SLC37A1: variants seen among roughly 807,000 people sequenced by gnomAD.
SLC37A1 encodes solute carrier family 37 member 1, also known as glucose-6-phosphate exchanger SLC37A1.
Under a neutral mutation model 75.3 loss-of-function variants are expected in SLC37A1, and 49 were observed. The observed-to-expected ratio is 0.65, with a 90% CI of 0.52 to 0.83. The LOEUF (loss-of-function observed/expected upper bound fraction) is 0.83, where lower values mean the gene tolerates loss of function less well. Among genes scored for constraint, SLC37A1 ranks in the 40% least tolerant of loss-of-function variants. The pLI, the probability that SLC37A1 is intolerant of heterozygous loss-of-function variation, is 0.00. For synonymous variants in SLC37A1, 268 were observed against 292.1 expected (o/e 0.92, Z 0.84); for missense variants, 566 against 695.0 (o/e 0.81, Z 2.09).
intron 10 of SLC37A1, among the ~76,000 whole-genome samples, chr21:42,555,245 C>T (rs113367322): frequency 5.9e-5 from 9 of 151,958 alleles, no homozygotes; most frequent in African/African-American, 2.2e-4. Flanking sequence ...GCCTTAGCCT[C>T]CCAAAGTGCT....
chr21:42,577,183 A>G (rs2056326160), intron 18 of SLC37A1, among the ~76,000 whole-genome samples: 1 of 148,848 alleles, frequency 6.7e-6, no homozygotes, highest in Admixed American at 6.8e-5. Flanking sequence ...TCCAGAAGGA[A>G]AGTCTGAGAT....
At chr21:42,531,781 A>C (rs939605015) in intron 3 of SLC37A1, among the ~76,000 whole-genome samples, 1 of 152,206 alleles carries the variant, frequency 6.6e-6, no homozygotes, top group Non-Finnish European at 1.5e-5. Flanking sequence ...ACTGAAATAT[A>C]GCAATGTTGT....
intron 2 of SLC37A1, among the ~76,000 whole-genome samples, chr21:42,508,040 G>C (rs933067610): frequency 4.6e-5 from 7 of 151,906 alleles, no homozygotes; most frequent in Non-Finnish European, 8.8e-5. Flanking sequence ...ATCAAATGCT[G>C]GCCCAGAGGG....
At chr21:42,564,022 C>T (rs541801073) in intron 13 of SLC37A1, 145 bp downstream of exon 13, 2 of 824,218 alleles carry the variant, frequency 2.4e-6, no homozygotes, top group Admixed American at 4.6e-5. Context: ...AGGCCGTCAC[C>T]TGGGGGTGGT....
At position 42,580,534 on chromosome 21, in the gene SLC37A1, A is replaced by G. The variant is rs1028477494; in HGVS notation, c.*174A>G. 124 of 668,000 alleles carry G rather than the reference A, an allele frequency of 1.9e-4. No individual in the cohort carries two copies. Among genetic ancestry groups the G allele is most frequent in the Non-Finnish European group, 3.0e-4 (121 of 396,982 alleles). The allele number at this position is 668,000 out of a possible 1,614,324, so 41.4% of individuals were successfully genotyped here. On this transcript the variant is annotated 3_prime_UTR_variant, in exon 20 of 20. Transcript: ENST00000352133. ...AGAACCCCTGGTGCTATTTTAAAGGAGACATATTGCTGAACAGCAGTGAGA... is the reference window on the plus strand; with the variant it reads ...AGAACCCCTGGTGCTATTTTAAAGGGGACATATTGCTGAACAGCAGTGAGA...
chr21:42,575,006 C>T, intron 18 of SLC37A1, 91 bp downstream of exon 18: 1 of 1,566,130 alleles, frequency 6.4e-7, no homozygotes, highest in East Asian at 2.3e-5. Flanking sequence ...CCATGCATTC[C>T]TGAGTTATCA....
Position 42,542,596 on chromosome 21 carries a change from G to T in SLC37A1, c.563+116G>T, listed in dbSNP as rs1569010318. ...TTTAGTATCCTCTTTAAAATAAGAT[G>T]GCTGAAACCTCTGGGGCTTGAATTG... On this transcript the variant is annotated intron_variant, in intron 7 of 19. Coordinates refer to ENST00000352133, the MANE Select transcript of SLC37A1 (RefSeq NM_001320537.2). 1.3e-5 allele frequency: 13 copies of T among 988,792 alleles called. 1 individual carries two copies. Among genetic ancestry groups the T allele is most frequent in the Middle Eastern group, 4.2e-4 (2 of 4,706 alleles). The allele number at this position is 988,792 out of a possible 1,614,324, so 61.3% of individuals were successfully genotyped here.
At chr21:42,572,523 G>C (rs2056202092) in intron 17 of SLC37A1, among the ~76,000 whole-genome samples, 1 of 151,668 alleles carries the variant, frequency 6.6e-6, no homozygotes, top group South Asian at 2.1e-4. Flanking sequence ...GGAGATTCTT[G>C]ACTGTATTTT....
chr21:42,538,050 TC>T (rs2146857293), intron 5 of SLC37A1, among the ~76,000 whole-genome samples: 1 of 152,340 alleles, frequency 6.6e-6, no homozygotes, highest in African/African-American at 2.4e-5. Flanking sequence ...TTAGACCTTT[TC>T]TTTAAAATTT....
At chr21:42,504,258 G>C (rs2146677800) in intron 2 of SLC37A1, among the ~76,000 whole-genome samples, 1 of 152,266 alleles carries the variant, frequency 6.6e-6, no homozygotes, top group Non-Finnish European at 1.5e-5. Flanking sequence ...GACATGGCCT[G>C]GTCATTTTGG....
At chr21:42,530,801 T>C (rs1242568830) in intron 3 of SLC37A1, among the ~76,000 whole-genome samples, 1 of 152,124 alleles carries the variant, frequency 6.6e-6, no homozygotes, top group Non-Finnish European at 1.5e-5. Context: ...GACTGCCTGA[T>C]AATCTCCTCT....
chr21:42,564,483 C>T (rs1306712247), intron 13 of SLC37A1, among the ~76,000 whole-genome samples: 2 of 152,154 alleles, frequency 1.3e-5, no homozygotes. Context: ...TCGAGGCTGG[C>T]CTAAAACCTG....
chr21:42,530,633 CA>C lies in SLC37A1; in HGVS notation c.139-4064del, dbSNP rs2054929519. 1.1e-4 allele frequency among the ~76,000 whole-genome samples: 6 copies of C among 57,064 alleles called. No homozygotes were observed. The South Asian group carries it at 1.6e-3, about 15-fold the overall frequency. The allele number at this position is 57,064 out of a possible 152,430, so 37.4% of individuals were successfully genotyped here. On this transcript the variant is annotated intron_variant, in intron 3 of 19. Transcript: ENST00000352133. ...ACACACACACACACACACACACACACACACACACACACACACACACACCCCC... is the reference window on the plus strand; with the variant it reads ...ACACACACACACACACACACACACACCACACACACACACACACACACCCCC...
At chr21:42,507,160 G>T (rs578053769) in intron 2 of SLC37A1, among the ~76,000 whole-genome samples, 2 of 152,292 alleles carry the variant, frequency 1.3e-5, no homozygotes, top group African/African-American at 4.8e-5. Context: ...TGGGATTACA[G>T]TCATGAGCCA....
intron 2 of SLC37A1, among the ~76,000 whole-genome samples, chr21:42,525,513 G>T (rs2054767137): frequency 6.6e-6 from 1 of 152,256 alleles, no homozygotes; most frequent in African/African-American, 2.4e-5. Flanking sequence ...TAGAAGTATG[G>T]TATGTTGTGT....
At chr21:42,563,278 A>G (rs2055880000) in intron 12 of SLC37A1, among the ~76,000 whole-genome samples, 1 of 152,160 alleles carries the variant, frequency 6.6e-6, no homozygotes, top group South Asian at 2.1e-4. Flanking sequence ...CTGTTTGAAA[A>G]AAGCAAAATT....
At chr21:42,564,118 G>A (rs2055909018) in intron 13 of SLC37A1, among the ~76,000 whole-genome samples, 1 of 150,892 alleles carries the variant, frequency 6.6e-6, no homozygotes, top group Admixed American at 6.7e-5. Flanking sequence ...GGACTCAGGG[G>A]CTCATGCCTG....
At chr21:42,517,548 G>A (rs1031708843) in intron 1 of SLC37A1, among the ~76,000 whole-genome samples, 6 of 152,212 alleles carry the variant, frequency 3.9e-5, no homozygotes, top group Non-Finnish European at 7.3e-5. Flanking sequence ...GAACTGATTG[G>A]CTTTGGAGGA....
intron 1 of SLC37A1, among the ~76,000 whole-genome samples, 172 bp from the exon 2 acceptor site, chr21:42,518,105 A>C (rs920913704): frequency 9.9e-5 from 15 of 151,754 alleles, no homozygotes; most frequent in African/African-American, 3.4e-4. Context: ...ACTCCACCTC[A>C]CTCCCCCTCT....
Sources: gnomAD v4.1 joint callset for allele counts (sites outside exome capture counted in the v4.1 genomes callset) on GRCh38, gnomAD v4.1.1 for gene constraint, MANE v1.5 for transcripts, NCBI Gene and HGNC (gene_info 2026-07-23, HGNC 2026-07-21) for gene names.